Variants in NKAIN2 observed in about 807,000 individuals in gnomAD.
NKAIN2 encodes the protein sodium/potassium transporting ATPase interacting 2.
In NKAIN2, 14 loss-of-function variants were observed where a neutral mutation model predicts 32.6. The observed-to-expected ratio is 0.43, with a 90% CI of 0.28 to 0.67. NKAIN2 has a LOEUF of 0.67. Among genes scored for constraint, NKAIN2 ranks in the 30% least tolerant of loss-of-function variants. NKAIN2 has a pLI of 0.17. For synonymous variants in NKAIN2, 80 were observed against 87.2 expected, an observed-to-expected ratio of 0.92 and a Z score of 0.46; for missense variants, 198 against 258.3, an observed-to-expected ratio of 0.77 and a Z score of 1.60.
chr6:124,311,491 C>T (rs1305687099), intron 2 of NKAIN2, among the ~76,000 whole-genome samples: 4 of 152,030 alleles, frequency 2.6e-5, no homozygotes, highest in Non-Finnish European at 4.4e-5. Context: ...CCACTGCCAC[C>T]ATGGAAAAAT....
chr6:124,695,240 G>A (rs1178869786), intron 4 of NKAIN2, among the ~76,000 whole-genome samples: 2 of 151,652 alleles, frequency 1.3e-5, no homozygotes, highest in African/African-American at 4.8e-5. Context: ...GTCCATCAGG[G>A]ATTAATAAAC....
intron 1 of NKAIN2, among the ~76,000 whole-genome samples, chr6:123,935,796 G>A (rs1237422469): frequency 6.6e-6 from 1 of 152,006 alleles, no homozygotes; most frequent in Non-Finnish European, 1.5e-5. Context: ...TGGAAACTGT[G>A]CTACATTTAT....
At chr6:124,337,178 A>G (rs901812383) in intron 2 of NKAIN2, among the ~76,000 whole-genome samples, 7 of 151,946 alleles carry the variant, frequency 4.6e-5, no homozygotes, top group African/African-American at 1.7e-4. Flanking sequence ...TTGAAACTTC[A>G]CTCTCCAAAT....
At chr6:124,002,139 C>A (rs141434329) in intron 1 of NKAIN2, among the ~76,000 whole-genome samples, 2 of 152,014 alleles carry the variant, frequency 1.3e-5, no homozygotes, top group African/African-American at 4.8e-5. Flanking sequence ...TAACCAAGTT[C>A]TATTGATATT....
intron 1 of NKAIN2, among the ~76,000 whole-genome samples, chr6:124,234,748 C>G (rs1184704824): frequency 6.6e-6 from 1 of 152,108 alleles, no homozygotes; most frequent in Non-Finnish European, 1.5e-5. Context: ...TTACTAACTG[C>G]ACAATCAGCT....
At chr6:124,654,095 TAGG>T (rs1442428329) in intron 3 of NKAIN2, among the ~76,000 whole-genome samples, 2 of 152,088 alleles carry the variant, frequency 1.3e-5, no homozygotes, top group African/African-American at 4.8e-5. Flanking sequence ...ATACTAGAAA[TAGG>T]AGATAATACT....
intron 1 of NKAIN2, among the ~76,000 whole-genome samples, chr6:123,841,404 T>C (rs549382052): frequency 5.9e-5 from 9 of 152,304 alleles, no homozygotes; most frequent in African/African-American, 2.2e-4. Context: ...GGCATAGTAA[T>C]TAAATATGGA....
rs928760991 is a variant in NKAIN2, at chr6:124,763,932, C to A, written c.475-27407C>A. On this transcript the variant is annotated intron_variant, in intron 4 of 6. Coordinates refer to ENST00000368417, the MANE Select transcript of NKAIN2 (RefSeq NM_001040214.3). ...CATTTCCTATGTCATAACTGGACCC[C>A]AAACTTAGCTGAAATTTTCATATAC... Among the ~76,000 whole-genome samples, 4 of 152,234 alleles carry A rather than the reference C, an allele frequency of 2.6e-5. No homozygotes were observed. In the East Asian group the frequency reaches 7.7e-4, roughly 29 times the overall value.
intron 3 of NKAIN2, among the ~76,000 whole-genome samples, chr6:124,480,989 C>T (rs1009834019): frequency 5.3e-5 from 8 of 151,984 alleles, no homozygotes; most frequent in African/African-American, 9.7e-5. Flanking sequence ...TAACACTGGG[C>T]GTTTACAAGA....
chr6:124,773,472 C>T (rs756144130), intron 4 of NKAIN2, among the ~76,000 whole-genome samples: 2 of 152,088 alleles, frequency 1.3e-5, no homozygotes, highest in Non-Finnish European at 2.9e-5. Flanking sequence ...GAAAGATCAG[C>T]TATGGCTCAG....
chr6:124,705,308 T>C (rs1775003285), intron 4 of NKAIN2, among the ~76,000 whole-genome samples: 1 of 152,070 alleles, frequency 6.6e-6, no homozygotes, highest in Non-Finnish European at 1.5e-5. Context: ...ATAATAAAAA[T>C]GACTTTTTAG....
At chr6:124,574,588 C>T (rs1218298855) in intron 3 of NKAIN2, among the ~76,000 whole-genome samples, 1 of 152,142 alleles carries the variant, frequency 6.6e-6, no homozygotes, top group Non-Finnish European at 1.5e-5. Flanking sequence ...CAGTGCACTC[C>T]AGCCTGGGCG....
intron 3 of NKAIN2, among the ~76,000 whole-genome samples, chr6:124,599,754 G>A (rs1782237148): frequency 6.6e-6 from 1 of 152,100 alleles, no homozygotes. Flanking sequence ...CAGCCCAAAG[G>A]AAGCCCAGCT....
chr6:124,632,285 G>A (rs1329324030), intron 3 of NKAIN2, among the ~76,000 whole-genome samples: 1 of 152,094 alleles, frequency 6.6e-6, no homozygotes, highest in Non-Finnish European at 1.5e-5. Context: ...TGATCACTTT[G>A]TATAGACAAA....
chr6:124,726,674 T>C (rs1776333189), intron 4 of NKAIN2, among the ~76,000 whole-genome samples: 2 of 145,586 alleles, frequency 1.4e-5, no homozygotes, highest in South Asian at 2.3e-4. Context: ...AGGAACGCAG[T>C]TCCTCACCAG....
At chr6:124,717,248 AGTGTT>A (rs2114621972) in intron 4 of NKAIN2, among the ~76,000 whole-genome samples, 1 of 152,330 alleles carries the variant, frequency 6.6e-6, no homozygotes, top group Admixed American at 6.5e-5. Context: ...AGCACTATTA[AGTGTT>A]AATTACTCTC....
chr6:124,361,421 A>C (rs1799282134), intron 3 of NKAIN2, among the ~76,000 whole-genome samples: 1 of 152,070 alleles, frequency 6.6e-6, no homozygotes, highest in African/African-American at 2.4e-5. Flanking sequence ...TTAGAAATAA[A>C]ACAATAAACT....
chr6:124,742,073 C>T (rs995232518), intron 4 of NKAIN2, among the ~76,000 whole-genome samples: 1 of 151,844 alleles, frequency 6.6e-6, no homozygotes, highest in African/African-American at 2.4e-5. Flanking sequence ...CATAGCCACC[C>T]ATAACATGCA....
intron 1 of NKAIN2, among the ~76,000 whole-genome samples, chr6:123,851,053 T>C (rs1032043798): frequency 2.6e-5 from 4 of 152,088 alleles, no homozygotes; most frequent in African/African-American, 9.7e-5. Flanking sequence ...TTGTATTCCA[T>C]TGCGTATAGA....
Sources: allele counts gnomAD v4.1 joint callset (sites outside exome capture counted in the v4.1 genomes callset), GRCh38; gene constraint gnomAD v4.1.1; transcripts MANE v1.5; gene names NCBI Gene and HGNC (gene_info 2026-07-23, HGNC 2026-07-21).